ZC3H15: variants seen among roughly 807,000 people sequenced by gnomAD.
ZC3H15 encodes the protein zinc finger CCCH-type containing 15.
In ZC3H15, 15 loss-of-function variants were observed where a neutral mutation model predicts 51.2. That is an observed-to-expected ratio of 0.29 (90% confidence interval 0.20 to 0.45). The LOEUF is 0.45. Ranked by LOEUF, ZC3H15 falls within the 20% of genes least tolerant of loss-of-function variation. The pLI is 1.00. For missense variants in ZC3H15, 381 were observed against 494.7 expected, an observed-to-expected ratio of 0.77 and a Z score of 2.18; for synonymous variants, 144 against 162.8, an observed-to-expected ratio of 0.88 and a Z score of 0.88.
rs111489577 is a variant in ZC3H15 at position 186,509,127 on chromosome 2, T to A, written c.*394T>A. On this transcript the variant is annotated 3_prime_UTR_variant, in exon 10 of 10. Coordinates refer to ENST00000337859, the MANE Select transcript of ZC3H15 (RefSeq NM_018471.3). ...TTTTAATGAGTGATTTAATTTCCTC[T>A]GTATTTGTATGTTTAGAAGACTGCC... 27 of 449,110 alleles carry A rather than the reference T, an allele frequency of 6.0e-5. No individual in the cohort carries two copies. The highest frequency in any genetic ancestry group is 3.4e-4 in the African/African-American group (17 of 49,888). The allele number at this position is 449,110 out of a possible 1,614,324, so 27.8% of individuals were successfully genotyped here.
At chr2:186,493,758 A>G (rs1685235731) in intron 1 of ZC3H15, among the ~76,000 whole-genome samples, 1 of 151,510 alleles carries the variant, frequency 6.6e-6, no homozygotes, top group African/African-American at 2.4e-5. Flanking sequence ...GCATCTGTCA[A>G]TCCTTGGCAT....
chr2:186,490,578 T>C (rs538389335), intron 1 of ZC3H15, among the ~76,000 whole-genome samples: 1 of 152,170 alleles, frequency 6.6e-6, no homozygotes, highest in African/African-American at 2.4e-5. Flanking sequence ...GGGAGAAAAC[T>C]AATGAGGGAA....
At chr2:186,492,776 C>G (rs1175031498) in intron 1 of ZC3H15, among the ~76,000 whole-genome samples, 2 of 152,158 alleles carry the variant, frequency 1.3e-5, no homozygotes, top group East Asian at 1.9e-4. Flanking sequence ...ATTATTCTTT[C>G]TACTCATTAT....
chr2:186,490,787 G>A (rs1182107799), intron 1 of ZC3H15, among the ~76,000 whole-genome samples: 1 of 152,168 alleles, frequency 6.6e-6, no homozygotes, highest in African/African-American at 2.4e-5. Flanking sequence ...GGAATTTACT[G>A]AGTGTTAAGG....
chr2:186,500,341 T>C, intron 3 of ZC3H15, 48 bp downstream of exon 3: 2 of 1,390,940 alleles, frequency 1.4e-6, no homozygotes, highest in Non-Finnish European at 9.9e-7. Context: ...ATGTAGTTTA[T>C]GCTAAAAACT....
intron 1 of ZC3H15, chr2:186,486,848 A>T (rs1475281801): frequency 1.0e-5 from 2 of 197,810 alleles, no homozygotes; most frequent in Admixed American, 6.1e-5. Flanking sequence ...AGACCGACTC[A>T]TGACGAGTCT....
chr2:186,505,252 TA>T (rs1219889677), intron 6 of ZC3H15, 198 bp from the exon 7 acceptor site: 1 of 379,060 alleles, frequency 2.6e-6, no homozygotes, highest in Non-Finnish European at 4.4e-6. Flanking sequence ...CAGAATAATA[TA>T]TTTTTAGTGT....
At chr2:186,502,662 T>A (rs1458532060) in intron 5 of ZC3H15, 75 bp downstream of exon 5, 1 of 1,179,736 alleles carries the variant, frequency 8.5e-7, no homozygotes, top group African/African-American at 1.5e-5. Flanking sequence ...TATTTGCTGC[T>A]ATTTTCTATT....
intron 1 of ZC3H15, chr2:186,487,207 T>C (rs1685112354): frequency 6.6e-6 from 1 of 152,198 alleles, no homozygotes; most frequent in African/African-American, 2.4e-5. Flanking sequence ...TATATATTCG[T>C]TTAACACATT....
chr2:186,499,643 G>T (rs1370134828), intron 2 of ZC3H15: 3 of 449,156 alleles, frequency 6.7e-6, no homozygotes, highest in Admixed American at 2.4e-5. Context: ...ATGTTTGGAT[G>T]AATCCTCTAA....
At chr2:186,497,963 C>A (rs1685309880) in intron 2 of ZC3H15, among the ~76,000 whole-genome samples, 1 of 152,142 alleles carries the variant, frequency 6.6e-6, no homozygotes, top group Non-Finnish European at 1.5e-5. Context: ...ATACATGTGT[C>A]TTCTCCAGAC....
rs377639446 is a variant in ZC3H15 at position 186,504,668 on chromosome 2, G to A, written c.717+454G>A. Among the ~76,000 whole-genome samples the A allele has an allele frequency of 1.2e-3, 187 of 152,256 alleles. No homozygotes were observed. In the South Asian group the frequency reaches 0.012, roughly 10 times the overall value. On this transcript the variant is annotated intron_variant, in intron 6 of 9. Coordinates refer to ENST00000337859, the MANE Select transcript of ZC3H15 (RefSeq NM_018471.3). ...AAACACTCACTCTGCTTATAGAAGG[G>A]AATGAGTCTGAAGAGGATATTCAGC...
rs759616605 is a variant in ZC3H15 at position 186,505,547 on chromosome 2, C to T, written c.814C>T (p.Gln272Ter). The change falls in exon 7 of 10, where the codon CAA becomes TAA. Residue 272 changes from glutamine (Q) to a stop codon, truncating the protein, a stop_gained. Coordinates refer to ENST00000337859, the MANE Select transcript of ZC3H15 (RefSeq NM_018471.3). LOFTEE classifies it high-confidence loss of function. Reference protein sequence around the residue: ...KRQEKIDKLEQDMERRKADFK... With the variant: ...KRQEKIDKLE ...ACAAGAAAAGATTGATAAACTTGAA[C>T]AAGATATGGAAAGAAGGAAAGCTGA... 1 of 1,609,190 alleles carries T rather than the reference C, an allele frequency of 6.2e-7. No homozygotes were observed. The highest frequency in any genetic ancestry group is 1.1e-5 in the South Asian group (1 of 90,106).
At chr2:186,491,078 T>C (rs10198525) in intron 1 of ZC3H15, among the ~76,000 whole-genome samples, 51,023 of 151,982 alleles carry the variant, frequency 0.34, 9,001 homozygotes, top group African/African-American at 0.38. Context: ...TTCTCCAAAT[T>C]GCAAATCATT....
At chr2:186,502,382 A>C in intron 4 of ZC3H15, 114 bp from the exon 5 acceptor site, 1 of 875,130 alleles carries the variant, frequency 1.1e-6, no homozygotes, top group South Asian at 2.2e-5. Flanking sequence ...CAAAAAGAAA[A>C]AGAAAAATGT....
intron 2 of ZC3H15, among the ~76,000 whole-genome samples, 197 bp downstream of exon 2, chr2:186,495,531 T>C (rs1456982461): frequency 6.6e-6 from 1 of 152,222 alleles, no homozygotes; most frequent in African/African-American, 2.4e-5. Context: ...CTCTCATTTA[T>C]TCTAATAATG....
At chr2:186,501,989 C>T (rs996120679) in intron 4 of ZC3H15, among the ~76,000 whole-genome samples, 8 of 151,966 alleles carry the variant, frequency 5.3e-5, no homozygotes, top group African/African-American at 1.9e-4. Flanking sequence ...GGATTACAGG[C>T]ATGAGCCACT....
At chr2:186,507,532 A>T (rs1685487937) in intron 9 of ZC3H15, 2 of 454,842 alleles carry the variant, frequency 4.4e-6, no homozygotes, top group Non-Finnish European at 8.8e-6. Context: ...ATGAAAGTAT[A>T]AATAATGAGT....
At chr2:186,503,286 T>C (rs1314149368) in intron 5 of ZC3H15, among the ~76,000 whole-genome samples, 1 of 152,252 alleles carries the variant, frequency 6.6e-6, no homozygotes, top group Non-Finnish European at 1.5e-5. Context: ...GAAGGGTCAC[T>C]CTCTTTGTGT....
Sources: allele counts gnomAD v4.1 joint callset (sites outside exome capture counted in the v4.1 genomes callset), GRCh38; gene constraint gnomAD v4.1.1; transcripts MANE v1.5; gene names NCBI Gene and HGNC (gene_info 2026-07-23, HGNC 2026-07-21).